TBC1D14: variants seen among roughly 807,000 people sequenced by gnomAD.
TBC1D14 encodes the protein TBC1 domain family, member 14.
Under a neutral mutation model 79.0 loss-of-function variants are expected in TBC1D14, and 26 were observed. The ratio of observed to expected loss-of-function variants is 0.33; its 90% CI spans 0.24 to 0.46. TBC1D14 has a LOEUF of 0.46. TBC1D14 is among the 20% of genes least tolerant of loss of function. The pLI is 1.00. For missense variants in TBC1D14, 769 were observed against 887.6 expected (o/e 0.87, Z 1.70); for synonymous variants, 394 against 349.9 (o/e 1.13, Z -1.40).
intron 3 of TBC1D14, among the ~76,000 whole-genome samples, chr4:6,978,610 C>A (rs1178701146): frequency 2.7e-5 from 4 of 148,636 alleles, no homozygotes; most frequent in African/African-American, 1.0e-4. Flanking sequence ...CTGCGGAAGG[C>A]CGCAGGGTCC....
rs150892799 is a variant in TBC1D14 at position 7,004,920 on chromosome 4, C to G, written c.1347C>G (p.Asn449Lys). ...GCACAGGAGGCTCTGAAGTGGAGAACGAAGGTAGAATGTCTTCTAAAACCA... is the reference window on the plus strand; with the variant it reads ...GCACAGGAGGCTCTGAAGTGGAGAAGGAAGGTAGAATGTCTTCTAAAACCA... ...SLSTGGSEVE[N>K]EDAGFSAADR... is the part of the protein sequence containing the mutation. The change falls in exon 8 of 14, where the codon AAC becomes AAG. Residue 449 changes from asparagine to lysine, a missense_variant. By Grantham distance (94) the Asn-to-Lys change is moderately conservative (BLOSUM62 0). This residue lies in a region of TBC1D14 where 367 missense variants were observed against 494.4 expected (regional missense o/e 0.74). Transcript: ENST00000409757. 6 of 1,613,816 alleles carry G rather than the reference C, an allele frequency of 3.7e-6. No homozygotes were observed. The highest frequency in any genetic ancestry group is 2.2e-5 in the East Asian group (1 of 44,900).
rs1049420651 is a variant in TBC1D14, at chr4:7,031,753, T to C, written c.*1361T>C. On this transcript the variant is annotated 3_prime_UTR_variant, in exon 14 of 14. Transcript: ENST00000409757. Reference sequence around the variant, plus strand: ...TCATGCGTACATGTGTGCCTTGGGGTGCTCTGCACTCCACGGCCCTTCTCA... The same window carrying C: ...TCATGCGTACATGTGTGCCTTGGGGCGCTCTGCACTCCACGGCCCTTCTCA... 5.3e-5 allele frequency: 8 copies of C among 152,020 alleles called. No individual in the cohort carries two copies. Among genetic ancestry groups the C allele is most frequent in the African/African-American group, 1.9e-4 (8 of 41,378 alleles). The allele number at this position is 152,020 out of a possible 1,614,324, so 9.4% of individuals were successfully genotyped here. A position where few individuals can be genotyped will look rare whatever the true frequency, so the allele number is the denominator to read the frequency against.
At chr4:6,989,567 G>A in intron 3 of TBC1D14, among the ~76,000 whole-genome samples, 1 of 152,072 alleles carries the variant, frequency 6.6e-6, no homozygotes, top group East Asian at 1.9e-4. Flanking sequence ...GCCCCTCCTG[G>A]CACATCTCAC....
chr4:6,918,339 T>C (rs181158174), intron 1 of TBC1D14, among the ~76,000 whole-genome samples: 1 of 152,168 alleles, frequency 6.6e-6, no homozygotes, highest in African/African-American at 2.4e-5. Flanking sequence ...AAGGATAGAG[T>C]TTTTTGTGTT....
intron 2 of TBC1D14, among the ~76,000 whole-genome samples, chr4:6,958,773 A>T (rs1223535750): frequency 6.7e-6 from 1 of 150,080 alleles, no homozygotes; most frequent in Admixed American, 6.6e-5. Flanking sequence ...GAATGCTCTC[A>T]CTCTTCAATC....
chr4:6,926,631 C>A (rs9291121), intron 2 of TBC1D14, among the ~76,000 whole-genome samples: 81,326 of 152,040 alleles, frequency 0.53, 22,059 homozygotes, highest in East Asian at 0.66. Flanking sequence ...GTCTAGGGTT[C>A]TTTTGTCCTA....
At position 6,923,722 on chromosome 4, in the gene TBC1D14, G is replaced by T. The variant is rs777908193; in HGVS notation, c.333G>T (p.Ala111=). 7 of 1,613,882 alleles carry T rather than the reference G, an allele frequency of 4.3e-6. No homozygotes were observed. Among genetic ancestry groups the T allele is most frequent in the Non-Finnish European group, 5.9e-6 (7 of 1,180,030 alleles). Residue 111 remains alanine (A), a synonymous_variant, in exon 2 of 14, where the codon GCG becomes GCT. Coordinates refer to ENST00000409757, the MANE Select transcript of TBC1D14 (RefSeq NM_020773.3). ...FQSACALPSC[A]PPAPSSTERE... ...GCGCCTGCGCGCTGCCATCCTGTGC[G>T]CCACCAGCTCCTAGCAGCACCGAGC...
At chr4:6,996,985 C>T (rs1383048936) in intron 5 of TBC1D14, 4 of 152,196 alleles carry the variant, frequency 2.6e-5, no homozygotes, top group Admixed American at 2.6e-4. Context: ...AACTCTTTTT[C>T]TAGGAGATTT....
intron 5 of TBC1D14, 117 bp from the exon 6 acceptor site, chr4:6,998,964 TGCTC>T: frequency 1.2e-6 from 1 of 823,682 alleles, no homozygotes; most frequent in Non-Finnish European, 2.0e-6. Flanking sequence ...CTGGAGCTGA[TGCTC>T]GCTCTGCTTC....
intron 1 of TBC1D14, among the ~76,000 whole-genome samples, chr4:6,919,698 G>A (rs1328335978): frequency 4.0e-5 from 6 of 151,742 alleles, no homozygotes; most frequent in African/African-American, 1.2e-4. Flanking sequence ...TCGGCTCACT[G>A]CAACCTCCGC....
intron 3 of TBC1D14, among the ~76,000 whole-genome samples, chr4:6,974,531 A>C (rs1168465888): frequency 6.6e-6 from 1 of 152,174 alleles, no homozygotes; most frequent in Non-Finnish European, 1.5e-5. Flanking sequence ...TGGAGAACTC[A>C]TCTCTGGGAT....
chr4:6,981,683 G>C (rs999004334), intron 3 of TBC1D14, among the ~76,000 whole-genome samples: 3 of 152,188 alleles, frequency 2.0e-5, no homozygotes, highest in Admixed American at 6.5e-5. Context: ...CCATGACAAA[G>C]TGACGTTTAG....
intron 3 of TBC1D14, among the ~76,000 whole-genome samples, chr4:6,969,999 G>A (rs534411602): frequency 1.3e-5 from 2 of 152,274 alleles, no homozygotes; most frequent in South Asian, 4.1e-4. Context: ...CAGCACTGTG[G>A]GGAGGCCTCT....
intron 3 of TBC1D14, among the ~76,000 whole-genome samples, chr4:6,975,913 C>T (rs1203799819): frequency 6.6e-6 from 1 of 151,878 alleles, no homozygotes; most frequent in Admixed American, 6.6e-5. Context: ...GCCAATGTGG[C>T]GAAACCCCAT....
chr4:6,936,771 A>G (rs966581689), intron 2 of TBC1D14, among the ~76,000 whole-genome samples: 1 of 152,208 alleles, frequency 6.6e-6, no homozygotes, highest in African/African-American at 2.4e-5. Flanking sequence ...CTGTTGTTCC[A>G]CATCCTCCCC....
In TBC1D14 at chr4:6,923,761, G is replaced by A; in HGVS notation, c.372G>A (p.Val124=). The change falls in exon 2 of 14, where the codon GTG becomes GTA. Residue 124 remains valine (V), a synonymous_variant. Coordinates refer to ENST00000409757, the MANE Select transcript of TBC1D14 (RefSeq NM_020773.3). ...GCAGCACCGAGCGGGAACAGAGCGT[G>A]CGCAAATCCTCCACGTTTCCCAGGA... is the stretch of plus-strand genomic sequence containing the variant. ...APSSTEREQS[V]RKSSTFPRTG... The A allele has an allele frequency of 6.2e-7, 1 of 1,614,060 alleles. No homozygotes were observed. The highest frequency in any genetic ancestry group is 1.7e-5 in the Admixed American group (1 of 60,030).
chr4:6,976,668 A>G (rs926253276), intron 3 of TBC1D14, among the ~76,000 whole-genome samples: 3 of 152,236 alleles, frequency 2.0e-5, no homozygotes, highest in Non-Finnish European at 4.4e-5. Flanking sequence ...AGTTGTTCAG[A>G]TAGAAGGGCC....
chr4:6,924,182 A>C lies in TBC1D14; in HGVS notation c.722+71A>C, dbSNP rs569751598. The C allele has an allele frequency of 5.3e-6, 8 of 1,511,172 alleles. No individual in the cohort carries two copies. In the African/African-American group the frequency reaches 5.5e-5, roughly 10 times the overall value. The allele number at this position is 1,511,172 out of a possible 1,614,324, so 93.6% of individuals were successfully genotyped here. The stretch of plus-strand genomic sequence containing the variant: ...GACCAGTCTCCTTGTTCCTGTCTCA[A>C]ATGTGTTGTGTGTTCTCTGTGGTGT... On this transcript the variant is annotated intron_variant, in intron 2 of 13. Coordinates refer to ENST00000409757, the MANE Select transcript of TBC1D14 (RefSeq NM_020773.3).
chr4:6,939,415 TC>T (rs558256040), intron 2 of TBC1D14, among the ~76,000 whole-genome samples: 20 of 148,520 alleles, frequency 1.3e-4, no homozygotes, highest in South Asian at 8.6e-4. Flanking sequence ...CCCGACCAGG[TC>T]CCCCCCAGAA....
Sources: gnomAD v4.1 joint callset for allele counts (sites outside exome capture counted in the v4.1 genomes callset) on GRCh38, gnomAD v4.1.1 for gene constraint, gnomAD v4.1.1 regional missense constraint, MANE v1.5 for transcripts, NCBI Gene and HGNC (gene_info 2026-07-23, HGNC 2026-07-21) for gene names.